The following BMPER variants were observed in gnomAD, a reference collection of about 807,000 sequenced individuals.
BMPER encodes the protein BMP-binding endothelial regulator protein.
Under a neutral mutation model 87.3 loss-of-function variants are expected in BMPER, and 45 were observed. The ratio of observed to expected loss-of-function variants is 0.52; its 90% confidence interval spans 0.41 to 0.66. The LOEUF is 0.66. BMPER is among the 30% of genes least tolerant of loss of function. The probability of loss-of-function intolerance (pLI) is 0.00; values close to 1 mark genes in which losing one functional copy is unlikely to be tolerated. For missense variants in BMPER, 784 were observed against 867.5 expected (o/e 0.90, Z 1.21); for synonymous variants, 326 against 316.2 (o/e 1.03, Z -0.33).
At chr7:33,924,234 A>G (rs1314269178) in intron 2 of BMPER, among the ~76,000 whole-genome samples, 1 of 152,206 alleles carries the variant, frequency 6.6e-6, no homozygotes, top group African/African-American at 2.4e-5. Context: ...TCTTGTCAGT[A>G]TAGTCTTGAA....
At chr7:33,971,755 C>T (rs1415713162) in intron 5 of BMPER, among the ~76,000 whole-genome samples, 7 of 152,172 alleles carry the variant, frequency 4.6e-5, no homozygotes, top group African/African-American at 9.7e-5. Flanking sequence ...GAGGAACACT[C>T]GGGTCTCAGA....
At chr7:33,971,370 C>T (rs145714860) in intron 5 of BMPER, among the ~76,000 whole-genome samples, 2 of 152,150 alleles carry the variant, frequency 1.3e-5, no homozygotes, top group Non-Finnish European at 2.9e-5. Flanking sequence ...ACAAGGATAG[C>T]CAGCTTCCAC....
chr7:33,927,485 G>C (rs955317001), intron 2 of BMPER, among the ~76,000 whole-genome samples: 1 of 152,158 alleles, frequency 6.6e-6, no homozygotes, highest in Non-Finnish European at 1.5e-5. Context: ...CCTTGACAGA[G>C]AGTCATTTCT....
chr7:34,124,952 A>C (rs1790363113), intron 13 of BMPER, among the ~76,000 whole-genome samples: 1 of 152,098 alleles, frequency 6.6e-6, no homozygotes, highest in Non-Finnish European at 1.5e-5. Context: ...AATGTGAAAA[A>C]TTAGATCAGT....
intron 2 of BMPER, among the ~76,000 whole-genome samples, chr7:33,914,683 G>A (rs1358160144): frequency 6.6e-6 from 1 of 152,112 alleles, no homozygotes; most frequent in African/African-American, 2.4e-5. Context: ...ATTTGCCTTG[G>A]GGAGGAGTCT....
chr7:34,049,274 G>C (rs190640270), intron 7 of BMPER, among the ~76,000 whole-genome samples: 103 of 152,254 alleles, frequency 6.8e-4, no homozygotes, highest in African/African-American at 2.4e-3. Flanking sequence ...GCCATTTATT[G>C]AGGATGTGTA....
rs1019634125 is a variant in BMPER at position 34,152,969 on chromosome 7, A to G, written c.1877-123A>G. ...TTGTCATTCTCTTGTTAAAATGCAAATGTGATCCTGAGCTATGGAAACGTC... is the reference window on the plus strand; with the variant it reads ...TTGTCATTCTCTTGTTAAAATGCAAGTGTGATCCTGAGCTATGGAAACGTC... On this transcript the variant is annotated intron_variant, in intron 14 of 14. Transcript: ENST00000649409. The G allele has an allele frequency of 1.1e-5, 12 of 1,128,876 alleles. No homozygotes were observed. In the East Asian group the frequency reaches 2.6e-4, roughly 24 times the overall value. 69.9% of individuals were successfully genotyped at this position (1,128,876 alleles called of 1,614,324 possible).
chr7:34,087,693 T>C (rs1333609500), intron 13 of BMPER, among the ~76,000 whole-genome samples: 1 of 152,236 alleles, frequency 6.6e-6, no homozygotes, highest in Non-Finnish European at 1.5e-5. Context: ...GTAAGATCTC[T>C]TTTGGAAGCT....
At chr7:33,941,031 A>G (rs1182756931) in intron 3 of BMPER, among the ~76,000 whole-genome samples, 1 of 134,906 alleles carries the variant, frequency 7.4e-6, no homozygotes, top group Non-Finnish European at 1.5e-5. Context: ...CATATAATTT[A>G]TATATTTATA....
chr7:33,929,419 G>A (rs1001667902), intron 2 of BMPER, among the ~76,000 whole-genome samples: 2 of 152,132 alleles, frequency 1.3e-5, no homozygotes, highest in African/African-American at 4.8e-5. Flanking sequence ...CAGAGACTGG[G>A]ACTTGTTTTG....
At chr7:33,905,419 G>GCCCCCC, upstream of BMPER, 20 of 110,376 alleles carry the variant, frequency 1.8e-4, no homozygotes, top group Middle Eastern at 4.4e-3. Context: ...CTCCCCGGGC[G>GCCCCCC]CCCCCACACC....
At chr7:33,989,643 C>G (rs62449718) in intron 6 of BMPER, among the ~76,000 whole-genome samples, 38 of 152,060 alleles carry the variant, frequency 2.5e-4, no homozygotes, top group South Asian at 1.2e-3. Flanking sequence ...GTCAATTTTG[C>G]CTTTTGTTGC....
At chr7:33,975,203 A>G (rs1322500215) in intron 6 of BMPER, among the ~76,000 whole-genome samples, 1 of 151,880 alleles carries the variant, frequency 6.6e-6, no homozygotes, top group Non-Finnish European at 1.5e-5. Flanking sequence ...GAAAGCATGG[A>G]TTTTCTGTTC....
chr7:33,960,155 A>G (rs1008041170), intron 3 of BMPER, among the ~76,000 whole-genome samples: 5 of 152,244 alleles, frequency 3.3e-5, no homozygotes, highest in African/African-American at 1.2e-4. Flanking sequence ...AACTCAGTTC[A>G]TGGGCCTGAT....
rs142735643 is a variant in BMPER, at chr7:34,096,200, G to A, written c.1745+10108G>A. ...TGGGTGTCCTCAGAGGTGGCCCTGT[G>A]TGGGCTGGTTTCCATCAGGCCACAT... On this transcript the variant is annotated intron_variant, in intron 13 of 14. Coordinates refer to ENST00000649409, the MANE Select transcript of BMPER (RefSeq NM_001365308.1). Among the ~76,000 whole-genome samples, 1,338 of 152,310 alleles carry A rather than the reference G, an allele frequency of 8.8e-3. 13 individuals carry two copies. Among genetic ancestry groups the A allele is most frequent in the African/African-American group, 0.03 (1,234 of 41,572 alleles).
chr7:34,081,479 C>T (rs1789046480), intron 12 of BMPER, among the ~76,000 whole-genome samples: 2 of 152,238 alleles, frequency 1.3e-5, no homozygotes, highest in Admixed American at 1.3e-4. Flanking sequence ...GGCAGGGTAA[C>T]ACAGGTGGCT....
At chr7:33,910,267 T>C (rs558447254) in intron 2 of BMPER, among the ~76,000 whole-genome samples, 1 of 152,342 alleles carries the variant, frequency 6.6e-6, no homozygotes, top group Non-Finnish European at 1.5e-5. Flanking sequence ...TGTTTTTGTA[T>C]GATATTTTCC....
chr7:34,091,597 A>T (rs73112316), intron 13 of BMPER, among the ~76,000 whole-genome samples: 2 of 152,232 alleles, frequency 1.3e-5, no homozygotes, highest in East Asian at 3.9e-4. Flanking sequence ...GTCTACAAAC[A>T]CAATGAACAT....
chr7:33,944,164 T>A (rs879537055), intron 3 of BMPER, among the ~76,000 whole-genome samples: 53 of 152,132 alleles, frequency 3.5e-4, no homozygotes, highest in African/African-American at 7.5e-4. Flanking sequence ...ATTTATTTTT[T>A]AATTTATTAT....
Sources: gnomAD v4.1 joint callset for allele counts (sites outside exome capture counted in the v4.1 genomes callset) on GRCh38, gnomAD v4.1.1 for gene constraint, MANE v1.5 for transcripts, NCBI Gene and HGNC (gene_info 2026-07-23, HGNC 2026-07-21) for gene names.